GAGE12D: variants seen among roughly 807,000 people sequenced by gnomAD.
GAGE12D encodes G antigen 12B/C/D/E.
Position 49,543,433 on chromosome X carries a change from CCAGCCCGAG to C in GAGE12D, c.85_93del (p.Pro29_Gln31del). 1 of 354,675 alleles carries C rather than the reference CCAGCCCGAG, an allele frequency of 2.8e-6. No individual in the cohort carries two copies. The highest frequency in any genetic ancestry group is 3.2e-5 in the African/African-American group (1 of 31,127). The allele number at this position is 354,675 out of a possible 1,213,427, so 29.2% of individuals were successfully genotyped here. A position where few individuals can be genotyped will look rare whatever the true frequency, so the allele number is the denominator to read the frequency against. On this transcript the variant is annotated splice_acceptor_variant and splice_polypyrimidine_tract_variant and coding_sequence_variant and intron_variant, in exon 3 of 5. Transcript: ENST00000405679. LOFTEE classifies it high-confidence loss of function. Reference sequence around the variant, plus strand: ...TTATTTGCACACCCACACGTATTCCCCAGCCCGAGCAGTTCAGTGATGAAGTGGAACCAG... The same window carrying C: ...TTATTTGCACACCCACACGTATTCCCCAGTTCAGTGATGAAGTGGAACCAG...
At chrX:49,543,595 C>CGT in intron 3 of GAGE12D, 38 bp downstream of exon 3, 1 of 256,088 alleles carries the variant, frequency 3.9e-6, no homozygotes, top group East Asian at 6.5e-5. Flanking sequence ...CTGGTGTGTG[C>CGT]GTGTGTGTGT....
chrX:49,543,363 CTG>C (rs1721189609), intron 2 of GAGE12D, 72 bp from the exon 3 acceptor site: 3 of 344,986 alleles, frequency 8.7e-6, no homozygotes, highest in Non-Finnish European at 9.8e-6. Flanking sequence ...GCTATGTATT[CTG>C]TGTATATATG....
chrX:49,542,841 C>G (rs147941733), intron 1 of GAGE12D, 39 bp from the exon 2 acceptor site: 1 of 111 alleles, frequency 9.0e-3, no homozygotes, highest in South Asian at 0.045. Context: ...TAGCAGCCCT[C>G]TGGAGCGCAC....
Sources: gnomAD v4.1 joint callset for allele counts on GRCh38, gnomAD v4.1.1 for gene constraint, MANE v1.5 for transcripts, NCBI Gene and HGNC (gene_info 2026-07-23, HGNC 2026-07-21) for gene names.